The following MYO9B variants were observed in gnomAD, a reference collection of about 807,000 sequenced individuals.
MYO9B encodes unconventional myosin-IXb.
In MYO9B, 71 loss-of-function variants were observed where a neutral mutation model predicts 229.5. That is an observed-to-expected ratio of 0.31 (90% CI 0.26 to 0.38). The LOEUF (loss-of-function observed/expected upper bound fraction) is 0.38, where lower values mean the gene tolerates loss of function less well. MYO9B is among the 10% of genes least tolerant of loss of function. The pLI is 1.00. For missense variants in MYO9B, 2,255 were observed against 2,920.5 expected, an observed-to-expected ratio of 0.77 and a Z score of 5.25; for synonymous variants, 1,185 against 1,235.8, an observed-to-expected ratio of 0.96 and a Z score of 0.86.
intron 1 of MYO9B, among the ~76,000 whole-genome samples, chr19:17,096,947 C>T (rs1456576452): frequency 6.6e-6 from 1 of 150,960 alleles, no homozygotes; most frequent in African/African-American, 2.4e-5. Context: ...GCCTCTGCTT[C>T]CCAAAATGCT....
chr19:17,092,781 TATGCATGTGC>T (rs2057650809), intron 1 of MYO9B, among the ~76,000 whole-genome samples: 1 of 151,844 alleles, frequency 6.6e-6, no homozygotes, highest in Admixed American at 6.6e-5. Context: ...TGTGTCCTTG[TATGCATGTGC>T]ATGCATGTGA....
At chr19:17,148,320 C>T (rs982146675) in intron 3 of MYO9B, among the ~76,000 whole-genome samples, 7 of 152,196 alleles carry the variant, frequency 4.6e-5, no homozygotes, top group Admixed American at 1.3e-4. Flanking sequence ...GCCCCCTTTC[C>T]AACATTATCT....
At chr19:17,205,853 A>T (rs2073154107) in intron 31 of MYO9B, 107 bp from the exon 32 acceptor site, 1 of 1,104,082 alleles carries the variant, frequency 9.1e-7, no homozygotes, top group Non-Finnish European at 1.3e-6. Context: ...AGAACAGCAG[A>T]GGAAGCCCTG....
chr19:17,195,679 T>A lies in MYO9B; in HGVS notation c.4046+206T>A, dbSNP rs1488906434. 6.6e-6 allele frequency among the ~76,000 whole-genome samples: 1 copy of A among 152,128 alleles called. No individual in the cohort carries two copies. Among genetic ancestry groups the A allele is most frequent in the African/African-American group, 2.4e-5 (1 of 41,434 alleles). On this transcript the variant is annotated intron_variant, in intron 22 of 39. Coordinates refer to ENST00000682292, the MANE Select transcript of MYO9B (RefSeq NM_004145.4). The surrounding 1 kb of genome is among the most constrained non-coding windows in gnomAD (Gnocchi z 4.5). ...AGGGCCCAGGCTGGGACCTGGAGCC[T>A]TGAGGGGTCCCCAGAAGGAGCTGTG...
At position 17,101,704 on chromosome 19, in the gene MYO9B, A is replaced by G. The variant is rs1362291763; in HGVS notation, c.-14A>G. The G allele has an allele frequency of 1.3e-6, 2 of 1,549,888 alleles. No homozygotes were observed. Among genetic ancestry groups the G allele is most frequent in the Non-Finnish European group, 1.7e-6 (2 of 1,152,980 alleles). ...CGAGCCTGGGAGGCATGCTGAAGCC[A>G]GGCGGCCGGCAGGATGAGTGTGAAA... On this transcript the variant is annotated 5_prime_UTR_variant, in exon 2 of 40. Coordinates refer to ENST00000682292, the MANE Select transcript of MYO9B (RefSeq NM_004145.4). This position sits in a 1 kb window ranked among gnomAD's most constrained non-coding sequence, Gnocchi z 4.7.
chr19:17,197,038 G>A (rs959803238), intron 22 of MYO9B, among the ~76,000 whole-genome samples: 6 of 152,124 alleles, frequency 3.9e-5, no homozygotes, highest in Admixed American at 2.0e-4. Context: ...CACTTTGAGA[G>A]GCTGAGGCGG....
chr19:17,114,755 A>T (rs529039233), intron 2 of MYO9B, among the ~76,000 whole-genome samples: 1 of 151,888 alleles, frequency 6.6e-6, no homozygotes, highest in Admixed American at 6.6e-5. Context: ...CTTGAAACCT[A>T]TGCCAGGTGC....
At chr19:17,147,416 C>T (rs952977169) in intron 3 of MYO9B, among the ~76,000 whole-genome samples, 15 of 151,598 alleles carry the variant, frequency 9.9e-5, no homozygotes, top group Admixed American at 7.2e-4. Context: ...TGATGGCAGG[C>T]GCCTGTAATC....
At chr19:17,089,280 A>G (rs2057614105) in intron 1 of MYO9B, among the ~76,000 whole-genome samples, 1 of 152,172 alleles carries the variant, frequency 6.6e-6, no homozygotes, top group Admixed American at 6.5e-5. Flanking sequence ...CTAAAAAAAA[A>G]AAAAATCCTC....
chr19:17,119,838 T>C (rs1043208300), intron 2 of MYO9B, among the ~76,000 whole-genome samples: 1 of 152,010 alleles, frequency 6.6e-6, no homozygotes, highest in African/African-American at 2.4e-5. Flanking sequence ...TTAGTAGAGA[T>C]GGGGTTTCAC....
At chr19:17,112,271 C>T (rs1238905816) in intron 2 of MYO9B, among the ~76,000 whole-genome samples, 4 of 152,224 alleles carry the variant, frequency 2.6e-5, no homozygotes, top group South Asian at 4.1e-4. Context: ...CTGGAGCCAC[C>T]GAGGGACACC....
At chr19:17,121,426 C>G (rs897526759) in intron 2 of MYO9B, among the ~76,000 whole-genome samples, 3 of 144,610 alleles carry the variant, frequency 2.1e-5, no homozygotes, top group African/African-American at 7.9e-5. Context: ...CCCACACTTA[C>G]AGCAGATATG....
chr19:17,208,353 A>AAAAAGCAACT (rs74332276), intron 35 of MYO9B, among the ~76,000 whole-genome samples: 10,828 of 124,444 alleles, frequency 0.087, 1,274 homozygotes, highest in African/African-American at 0.13. Flanking sequence ...AAAAAAAAAA[A>AAAAAGCAACT]ATCCAGATGG....
intron 2 of MYO9B, among the ~76,000 whole-genome samples, chr19:17,128,402 T>C (rs2072151931): frequency 1.3e-5 from 2 of 152,026 alleles, no homozygotes; most frequent in South Asian, 4.1e-4. Flanking sequence ...CTAAAAGAAA[T>C]AGCCTGCAGC....
At chr19:17,121,503 C>T (rs1174144917) in intron 2 of MYO9B, among the ~76,000 whole-genome samples, 2 of 151,310 alleles carry the variant, frequency 1.3e-5, no homozygotes, top group Admixed American at 6.6e-5. Flanking sequence ...TTGCTGACCA[C>T]AGCTCTGGAG....
At chr19:17,139,469 T>G (rs894677645) in intron 2 of MYO9B, among the ~76,000 whole-genome samples, 1 of 151,380 alleles carries the variant, frequency 6.6e-6, no homozygotes, top group East Asian at 2.0e-4. Flanking sequence ...GATAGGCTGG[T>G]TACTTTGGCT....
At chr19:17,168,088 C>G (rs2072680170) in intron 11 of MYO9B, 24 bp downstream of exon 11, 1 of 1,610,230 alleles carries the variant, frequency 6.2e-7, no homozygotes, top group East Asian at 2.2e-5. Context: ...CCCCGTCCAT[C>G]CCGGCACATC....
At chr19:17,197,469 C>T (rs1298716216) in intron 22 of MYO9B, among the ~76,000 whole-genome samples, 9 of 145,800 alleles carry the variant, frequency 6.2e-5, no homozygotes, top group Non-Finnish European at 1.5e-5. Context: ...GATAGATGGG[C>T]AGGCAGGCAG....
intron 3 of MYO9B, among the ~76,000 whole-genome samples, chr19:17,149,945 C>T (rs940043637): frequency 1.3e-5 from 2 of 152,236 alleles, no homozygotes; most frequent in Non-Finnish European, 2.9e-5. Context: ...TAGAAACGGA[C>T]ACAGCCTCCC....
Sources: gnomAD v4.1 joint callset for allele counts (sites outside exome capture counted in the v4.1 genomes callset) on GRCh38, gnomAD v4.1.1 for gene constraint, Gnocchi (gnomAD v3.1) non-coding constraint, MANE v1.5 for transcripts, NCBI Gene and HGNC (gene_info 2026-07-23, HGNC 2026-07-21) for gene names.